Variants in CYP7B1 observed in about 807,000 individuals in gnomAD.
CYP7B1 encodes cytochrome P450 7B1.
Under a neutral mutation model 42.7 loss-of-function variants are expected in CYP7B1, and 29 were observed. The observed-to-expected ratio is 0.68, with a 90% CI of 0.51 to 0.93. The LOEUF (loss-of-function observed/expected upper bound fraction) is 0.93. CYP7B1 is among the 40% of genes least tolerant of loss of function. The pLI, the probability that CYP7B1 is intolerant of heterozygous loss-of-function variation, is 0.00. For synonymous variants in CYP7B1, 235 were observed against 218.2 expected (o/e 1.08, Z -0.68); for missense variants, 655 against 600.5 (o/e 1.09, Z -0.95).
Position 64,685,077 on chromosome 8 carries a change from T to C in CYP7B1, c.123-60538A>G, listed in dbSNP as rs143399090. ...CCCAGCAATTTCACTACTAGGTATA[T>C]ACCCAAGAGAAAAATTACATGTCCA... On this transcript the variant is annotated intron_variant, in intron 1 of 5. Coordinates refer to ENST00000310193, the MANE Select transcript of CYP7B1 (RefSeq NM_004820.5). Among the ~76,000 whole-genome samples the C allele has an allele frequency of 2.6e-5, 4 of 152,316 alleles. No individual in the cohort carries two copies. In the East Asian group the frequency reaches 5.8e-4, roughly 22 times the overall value.
chr8:64,669,066 GATA>G (rs775810532), intron 1 of CYP7B1, among the ~76,000 whole-genome samples: 26 of 152,196 alleles, frequency 1.7e-4, no homozygotes, highest in Admixed American at 9.2e-4. Flanking sequence ...CAACATGACA[GATA>G]ATGAGAAACC....
intron 1 of CYP7B1, among the ~76,000 whole-genome samples, chr8:64,709,291 T>A (rs1022919919): frequency 6.6e-6 from 1 of 152,228 alleles, no homozygotes; most frequent in Non-Finnish European, 1.5e-5. Context: ...ATAAATTTGA[T>A]CTTTTGATTT....
intron 3 of CYP7B1, 44 bp downstream of exon 3, chr8:64,615,647 T>A: frequency 6.3e-7 from 1 of 1,577,404 alleles, no homozygotes; most frequent in Non-Finnish European, 8.7e-7. Context: ...AGGTCTATTG[T>A]AAATGATTTT....
intron 1 of CYP7B1, among the ~76,000 whole-genome samples, chr8:64,681,274 A>G (rs1806533111): frequency 6.6e-6 from 1 of 152,168 alleles, no homozygotes; most frequent in South Asian, 2.1e-4. Flanking sequence ...TTGTTCAGCC[A>G]GTTAATAATT....
intron 2 of CYP7B1, among the ~76,000 whole-genome samples, chr8:64,617,432 C>G (rs571944547): frequency 3.3e-5 from 5 of 152,122 alleles, no homozygotes; most frequent in Non-Finnish European, 7.4e-5. Context: ...AGAGATGTTA[C>G]GGGTCAAGAT....
intron 1 of CYP7B1, among the ~76,000 whole-genome samples, chr8:64,674,887 C>T (rs1219231550): frequency 6.6e-6 from 1 of 152,044 alleles, no homozygotes; most frequent in Non-Finnish European, 1.5e-5. Context: ...AATTTTATCA[C>T]AAATTTTCTT....
chr8:64,764,146 C>T (rs1807933949), intron 1 of CYP7B1, among the ~76,000 whole-genome samples: 1 of 152,032 alleles, frequency 6.6e-6, no homozygotes, highest in Non-Finnish European at 1.5e-5. Flanking sequence ...TGCCAGGGCC[C>T]CAAGTTTGTA....
intron 1 of CYP7B1, among the ~76,000 whole-genome samples, chr8:64,674,671 A>T (rs1986181): frequency 7.2e-5 from 11 of 151,988 alleles, no homozygotes; most frequent in Admixed American, 3.9e-4. Context: ...TTTACAATAC[A>T]CCGTAGTGCA....
intron 1 of CYP7B1, among the ~76,000 whole-genome samples, chr8:64,706,286 C>T (rs1249390833): frequency 6.6e-6 from 1 of 151,948 alleles, no homozygotes; most frequent in African/African-American, 2.4e-5. Context: ...CTACTAAGTC[C>T]TGAGTAAAGT....
chr8:64,613,075 G>A (rs141763268), intron 4 of CYP7B1, among the ~76,000 whole-genome samples: 24 of 152,204 alleles, frequency 1.6e-4, no homozygotes, highest in East Asian at 5.8e-4. Flanking sequence ...TTAAATTCTC[G>A]TAATGAACAA....
chr8:64,772,649 A>G (rs57696702), intron 1 of CYP7B1, among the ~76,000 whole-genome samples: 19,051 of 152,118 alleles, frequency 0.13, 2,257 homozygotes, highest in African/African-American at 0.31. Flanking sequence ...TCTGGAACCT[A>G]CTTACAGGTG....
rs1452110417 is a variant in CYP7B1, at chr8:64,595,926, G to T, written c.*716C>A. ...AATACTAATGTCTAGGGCAATTTCT[G>T]AATATATAATAGGTTCTGTGTTTTC... On this transcript the variant is annotated 3_prime_UTR_variant, in exon 6 of 6. Transcript: ENST00000310193. 6.6e-6 allele frequency among the ~76,000 whole-genome samples: 1 copy of T among 152,134 alleles called. No homozygotes were observed. The highest frequency in any genetic ancestry group is 1.5e-5 in the Non-Finnish European group (1 of 68,026).
chr8:64,593,550 C>A lies in CYP7B1; in HGVS notation c.*3092G>T, dbSNP rs986861887. Among the ~76,000 whole-genome samples the A allele has an allele frequency of 5.3e-5, 8 of 152,104 alleles. No homozygotes were observed. Among genetic ancestry groups the A allele is most frequent in the African/African-American group, 1.9e-4 (8 of 41,402 alleles). ...CCCTCCCCACTCCCAGATAATCAAG[C>A]TGAAATTTTAAGGTGATCTGAGTTT... is the stretch of plus-strand genomic sequence containing the variant. On this transcript the variant is annotated 3_prime_UTR_variant, in exon 6 of 6. Transcript: ENST00000310193.
At chr8:64,721,366 ATT>A in intron 1 of CYP7B1, among the ~76,000 whole-genome samples, 1 of 152,120 alleles carries the variant, frequency 6.6e-6, no homozygotes, top group Non-Finnish European at 1.5e-5. Context: ...TTTCCCACTA[ATT>A]TAAAAAAATC....
rs567807640 is a variant in CYP7B1, at chr8:64,715,870, C to T, written c.122+82596G>A. Among the ~76,000 whole-genome samples, 11 of 152,232 alleles carry T rather than the reference C, an allele frequency of 7.2e-5. No homozygotes were observed. In the South Asian group the frequency reaches 1.0e-3, roughly 14 times the overall value. ...CCACTAAGTTCCCTATGATTTGTTCCCCAAATGAAGAAAAGGGAGAAACAC... is the reference window on the plus strand; with the variant it reads ...CCACTAAGTTCCCTATGATTTGTTCTCCAAATGAAGAAAAGGGAGAAACAC... On this transcript the variant is annotated intron_variant, in intron 1 of 5. Coordinates refer to ENST00000310193, the MANE Select transcript of CYP7B1 (RefSeq NM_004820.5).
chr8:64,680,348 C>T (rs1409998448), intron 1 of CYP7B1, among the ~76,000 whole-genome samples: 1 of 152,006 alleles, frequency 6.6e-6, no homozygotes, highest in Admixed American at 6.6e-5. Context: ...CTAATATGTT[C>T]CTATATCATC....
intron 1 of CYP7B1, among the ~76,000 whole-genome samples, chr8:64,654,376 A>T (rs1806088591): frequency 6.6e-6 from 1 of 152,230 alleles, no homozygotes; most frequent in Non-Finnish European, 1.5e-5. Flanking sequence ...GTATACCAAC[A>T]ACAGCCAAGG....
At chr8:64,629,590 C>G (rs1268182865) in intron 1 of CYP7B1, among the ~76,000 whole-genome samples, 1 of 151,514 alleles carries the variant, frequency 6.6e-6, no homozygotes, top group Non-Finnish European at 1.5e-5. Context: ...GATGATAATT[C>G]TGAATGTTTG....
intron 1 of CYP7B1, among the ~76,000 whole-genome samples, chr8:64,636,445 CTATTATTGT>C (rs1805773844): frequency 6.6e-6 from 1 of 152,148 alleles, no homozygotes; most frequent in South Asian, 2.1e-4. Context: ...ATGTTAGTTA[CTATTATTGT>C]TATTATTTAT....
Sources: allele counts gnomAD v4.1 joint callset (sites outside exome capture counted in the v4.1 genomes callset), GRCh38; gene constraint gnomAD v4.1.1; transcripts MANE v1.5; gene names NCBI Gene and HGNC (gene_info 2026-07-23, HGNC 2026-07-21).